The following LAMA4 variants were observed in gnomAD, a reference collection of about 807,000 sequenced individuals.
LAMA4 encodes laminin subunit alpha-4.
LAMA4 carries 127 observed loss-of-function variants against 207.1 expected under a neutral mutation model. The ratio of observed to expected loss-of-function variants is 0.61; its 90% CI spans 0.53 to 0.71. LAMA4 has a LOEUF of 0.71. LAMA4 is among the 30% of genes least tolerant of loss of function. The probability of loss-of-function intolerance (pLI) is 0.00; values close to 1 mark genes in which losing one functional copy is unlikely to be tolerated. For synonymous variants in LAMA4, 761 were observed against 816.0 expected, an observed-to-expected ratio of 0.93 and a Z score of 1.15; for missense variants, 2,093 against 2,246.5, an observed-to-expected ratio of 0.93 and a Z score of 1.38.
intron 2 of LAMA4, chr6:112,236,312 CTTTGGGCTTATCATTTAACATT>C (rs1240858469): frequency 6.6e-6 from 1 of 152,180 alleles, no homozygotes; most frequent in Non-Finnish European, 1.5e-5. Flanking sequence ...CGCTAGGAGA[CTTTGGGCTTATCATTTAACATT>C]TCCATGCTTT....
chr6:112,201,529 G>T, intron 5 of LAMA4, 79 bp downstream of exon 5: 1 of 1,143,092 alleles, frequency 8.7e-7, no homozygotes, highest in Non-Finnish European at 1.3e-6. Context: ...CTGAATGGGA[G>T]TATGGCAGAG....
intron 11 of LAMA4, among the ~76,000 whole-genome samples, chr6:112,174,932 T>C (rs370029813): frequency 3.3e-5 from 5 of 152,246 alleles, no homozygotes; most frequent in Non-Finnish European, 5.9e-5. Context: ...TTAAAGTCAT[T>C]CATGGTCTTC....
At chr6:112,145,278 G>T (rs374412431) in intron 18 of LAMA4, among the ~76,000 whole-genome samples, 1 of 152,198 alleles carries the variant, frequency 6.6e-6, no homozygotes, top group Admixed American at 6.5e-5. Flanking sequence ...GTGCTCTTGC[G>T]CCCAGAGAAA....
chr6:112,220,673 T>C (rs1784874891), intron 2 of LAMA4, among the ~76,000 whole-genome samples: 3 of 152,170 alleles, frequency 2.0e-5, no homozygotes, highest in African/African-American at 7.2e-5. Context: ...CTGATTATTT[T>C]TGTCTTCATT....
intron 18 of LAMA4, among the ~76,000 whole-genome samples, chr6:112,145,201 T>C (rs976259053): frequency 1.3e-5 from 2 of 152,204 alleles, no homozygotes; most frequent in Non-Finnish European, 2.9e-5. Flanking sequence ...TGTAAGCTCA[T>C]ACTTGGCTCA....
intron 2 of LAMA4, chr6:112,253,754 C>G: frequency 4.3e-6 from 7 of 1,613,836 alleles, no homozygotes; most frequent in Non-Finnish European, 5.9e-6. Context: ...CATTCCGAAG[C>G]CTCAACTTTC....
chr6:112,189,248 T>C (rs1782876022), intron 6 of LAMA4, 43 bp from the exon 7 acceptor site: 1 of 1,367,264 alleles, frequency 7.3e-7, no homozygotes, highest in African/African-American at 1.4e-5. Context: ...CACTTCTTAA[T>C]GCTTAAAATA....
At chr6:112,190,930 TCTTTCTTTCTTTCTTTC>T (rs1562714389) in intron 6 of LAMA4, among the ~76,000 whole-genome samples, 199 of 79,720 alleles carry the variant, frequency 2.5e-3, no homozygotes, top group Middle Eastern at 7.5e-3. Context: ...TTTCTTTCTT[TCTTTCTTTCTTTCTTTC>T]CTTTCTTTCT....
intron 13 of LAMA4, 133 bp downstream of exon 13, chr6:112,165,027 A>G (rs552211404): frequency 8.1e-6 from 6 of 744,440 alleles, no homozygotes; most frequent in African/African-American, 5.1e-5. Flanking sequence ...GCAAGAAACT[A>G]AAACATTCAG....
rs782679403 is a variant in LAMA4, at chr6:112,144,882, A to G, written c.2405T>C (p.Val802Ala). 3 of 1,614,042 alleles carry G rather than the reference A, an allele frequency of 1.9e-6. No homozygotes were observed. The highest frequency in any genetic ancestry group is 4.5e-5 in the East Asian group (2 of 44,876). Residue 802 changes from valine (V) to alanine (A), a missense_variant, in exon 19 of 39, where the codon GTT becomes GCT. Transcript: ENST00000230538. ...GTTGCTTGCAGGTCGCTTCTGCTCA[A>G]CCGTACGAAGCTGATCCAGGAGCTG... ...VPQLLDQLRT[V>A]EQKRPASNVS...
At chr6:112,233,711 A>G (rs1210357410) in intron 2 of LAMA4, among the ~76,000 whole-genome samples, 1 of 152,206 alleles carries the variant, frequency 6.6e-6, no homozygotes, top group African/African-American at 2.4e-5. Flanking sequence ...GGCAATTTTT[A>G]GTTTACTCCT....
intron 2 of LAMA4, among the ~76,000 whole-genome samples, chr6:112,239,245 C>A (rs541673347): frequency 6.8e-6 from 1 of 146,410 alleles, no homozygotes; most frequent in Admixed American, 7.1e-5. Flanking sequence ...AGCTTGAACC[C>A]AGAAGGTGGA....
At chr6:112,169,552 G>A (rs1409046164) in intron 12 of LAMA4, among the ~76,000 whole-genome samples, 4 of 152,272 alleles carry the variant, frequency 2.6e-5, no homozygotes, top group Admixed American at 6.5e-5. Context: ...AGAGATGGGG[G>A]CAAAAGGGGT....
At chr6:112,136,551 G>C (rs1049640742) in intron 24 of LAMA4, among the ~76,000 whole-genome samples, 22 of 152,036 alleles carry the variant, frequency 1.4e-4, no homozygotes, top group Non-Finnish European at 3.2e-4. Context: ...AACTAGCCAG[G>C]CGTGGTGGTA....
At chr6:112,248,155 T>C (rs1366954751) in intron 2 of LAMA4, among the ~76,000 whole-genome samples, 1 of 152,194 alleles carries the variant, frequency 6.6e-6, no homozygotes, top group Non-Finnish European at 1.5e-5. Context: ...TTGATGGTGA[T>C]GGTTTTATAA....
At chr6:112,243,682 G>C (rs571396352) in intron 2 of LAMA4, among the ~76,000 whole-genome samples, 6 of 152,136 alleles carry the variant, frequency 3.9e-5, no homozygotes, top group Non-Finnish European at 5.9e-5. Context: ...AAACAATAAA[G>C]AGTAAAAGAG....
chr6:112,165,640 T>C (rs1199670083), intron 12 of LAMA4, among the ~76,000 whole-genome samples: 1 of 152,226 alleles, frequency 6.6e-6, no homozygotes, highest in African/African-American at 2.4e-5. Flanking sequence ...GATTGGAATA[T>C]GAATTAATTC....
intron 17 of LAMA4, among the ~76,000 whole-genome samples, chr6:112,150,279 A>G (rs1224973793): frequency 6.6e-6 from 1 of 152,054 alleles, no homozygotes; most frequent in African/African-American, 2.4e-5. Context: ...CTGGAAAAAA[A>G]GGCTCTCAAA....
chr6:112,129,022 T>C lies in LAMA4; in HGVS notation c.4187A>G (p.His1396Arg), dbSNP rs1554328628. 2 of 1,613,160 alleles carry C rather than the reference T, an allele frequency of 1.2e-6. No homozygotes were observed. The highest frequency in any genetic ancestry group is 2.2e-5 in the South Asian group (2 of 91,062). ...AATGGGACACTCATAAAGAGAAGTG[T>C]GGACCTTTTCAGTATACCGTTGGAA... ...EDFQRYTEKV[H>R]TSLYECPIES... is the part of the protein sequence containing the mutation. Residue 1396 changes from histidine (H) to arginine (R), a missense_variant, in exon 31 of 39, where the codon CAC (histidine) becomes CGC (arginine). His to Arg is a conservative substitution (Grantham distance 29). This residue lies in a region of LAMA4 where 1,704 missense variants were observed against 1,788.4 expected (regional missense o/e 0.95). Transcript: ENST00000230538.
Sources: gnomAD v4.1 joint callset for allele counts (sites outside exome capture counted in the v4.1 genomes callset) on GRCh38, gnomAD v4.1.1 for gene constraint, gnomAD v4.1.1 regional missense constraint, MANE v1.5 for transcripts, NCBI Gene and HGNC (gene_info 2026-07-23, HGNC 2026-07-21) for gene names.